LAMP1: variants seen among roughly 807,000 people sequenced by gnomAD.
LAMP1 encodes lysosome associated membrane protein 1.
In LAMP1, 7 loss-of-function variants were observed where a neutral mutation model predicts 37.5. The observed-to-expected ratio is 0.19, with a 90% CI of 0.11 to 0.35. LAMP1 has a LOEUF of 0.35. Ranked by LOEUF, LAMP1 falls within the 10% of genes least tolerant of loss-of-function variation. The pLI is 1.00. For synonymous variants in LAMP1, 236 were observed against 229.1 expected (o/e 1.03, Z -0.27); for missense variants, 537 against 552.8 (o/e 0.97, Z 0.29).
At position 113,310,768 on chromosome 13, in the gene LAMP1, T is replaced by C. The variant is rs2042626529; in HGVS notation, c.463T>C (p.Cys155Arg). 1 of 1,613,404 alleles carries C rather than the reference T, an allele frequency of 6.2e-7. No homozygotes were observed. The highest frequency in any genetic ancestry group is 8.5e-7 in the Non-Finnish European group (1 of 1,179,594). Residue 155 changes from cysteine (C) to arginine (R), a missense_variant, in exon 4 of 9, where the codon TGT becomes CGT. Cys to Arg is a radical substitution (Grantham distance 180). Coordinates refer to ENST00000332556, the MANE Select transcript of LAMP1 (RefSeq NM_005561.4). Reference protein sequence around the residue: ...IRADIDKKYRCVSGTQVHMNN... With the variant: ...IRADIDKKYRRVSGTQVHMNN... ...GGCAGATATAGATAAAAAATACAGA[T>C]GTGTTAGTGGCACCCAGGTCCACAT... is the stretch of plus-strand genomic sequence containing the variant.
intron 1 of LAMP1, among the ~76,000 whole-genome samples, chr13:113,300,057 T>C (rs1323888533): frequency 1.3e-5 from 2 of 152,234 alleles, no homozygotes; most frequent in African/African-American, 4.8e-5. Flanking sequence ...AGCTCAAACA[T>C]GAACTGAAAC....
intron 1 of LAMP1, among the ~76,000 whole-genome samples, chr13:113,298,486 G>A (rs1048799794): frequency 9.3e-5 from 14 of 150,036 alleles, no homozygotes; most frequent in African/African-American, 3.0e-4. Flanking sequence ...AATCAAGCTG[G>A]GGGAGTGTGT....
rs917340082 is a variant in LAMP1 at position 113,301,218 on chromosome 13, C to T, written c.61+3723C>T. Among the ~76,000 whole-genome samples the T allele has an allele frequency of 2.2e-4, 34 of 152,046 alleles. 1 individual carries two copies. Among genetic ancestry groups the T allele is most frequent in the African/African-American group, 2.4e-5 (1 of 41,378 alleles). On this transcript the variant is annotated intron_variant, in intron 1 of 8. Coordinates refer to ENST00000332556, the MANE Select transcript of LAMP1 (RefSeq NM_005561.4). ...TAGAAATATACATACCACAGCGAGG[C>T]ACAGTGGCTCATGCCTGTCATCTCA...
At chr13:113,304,741 C>T (rs972330833) in intron 1 of LAMP1, among the ~76,000 whole-genome samples, 18 of 152,086 alleles carry the variant, frequency 1.2e-4, no homozygotes, top group East Asian at 1.9e-4. Context: ...ACTGCAACCT[C>T]GGCCTCCCTG....
At chr13:113,301,816 A>G (rs1485375209) in intron 1 of LAMP1, among the ~76,000 whole-genome samples, 3 of 149,952 alleles carry the variant, frequency 2.0e-5, no homozygotes, top group Non-Finnish European at 4.4e-5. Context: ...TAAAAATACC[A>G]TATTTAAAAG....
chr13:113,305,575 C>T (rs1393474483), intron 1 of LAMP1: 2 of 152,140 alleles, frequency 1.3e-5, no homozygotes, highest in African/African-American at 2.4e-5. Context: ...TTAGCAGTGA[C>T]CACTGTCCAG....
At chr13:113,312,577 G>A (rs909266704) in intron 4 of LAMP1, among the ~76,000 whole-genome samples, 23 of 152,214 alleles carry the variant, frequency 1.5e-4, no homozygotes, top group African/African-American at 5.5e-4. Flanking sequence ...CTCCCATAGG[G>A]GAGGCTTGGA....
intron 8 of LAMP1, 53 bp from the exon 9 acceptor site, chr13:113,322,229 T>G: frequency 6.4e-7 from 1 of 1,553,008 alleles, no homozygotes; most frequent in Non-Finnish European, 8.7e-7. Flanking sequence ...GAGAGGCCTG[T>G]TTGCAGGCCC....
At chr13:113,300,832 A>T (rs1336908677) in intron 1 of LAMP1, among the ~76,000 whole-genome samples, 2 of 151,820 alleles carry the variant, frequency 1.3e-5, no homozygotes, top group South Asian at 2.1e-4. Flanking sequence ...AAAGAAAAAA[A>T]TTTTTTTTCT....
In LAMP1 at chr13:113,306,588, C is replaced by T. The variant is rs1344035718; in HGVS notation, c.165C>T (p.Asp55=). The T allele has an allele frequency of 1.2e-6, 2 of 1,613,916 alleles. No individual in the cohort carries two copies. Among genetic ancestry groups the T allele is most frequent in the East Asian group, 2.2e-5 (1 of 44,888 alleles). ...NFSAAFSVNY[D]TKSGPKNMTF... is the part of the protein sequence containing the mutation. The stretch of plus-strand genomic sequence containing the variant: ...CTGCTGCCTTCTCAGTGAACTACGA[C>T]ACCAAGAGTGGCCCTAAGGTAGGAA... The change falls in exon 2 of 9, where the codon GAC becomes GAT. Residue 55 remains aspartate, a synonymous_variant. Transcript: ENST00000332556.
At chr13:113,311,159 C>A (rs138252212) in intron 4 of LAMP1, among the ~76,000 whole-genome samples, 86 of 150,956 alleles carry the variant, frequency 5.7e-4, no homozygotes, top group African/African-American at 1.9e-3. Context: ...TGGGAGTCGG[C>A]GGGGGGCGGG....
At position 113,314,967 on chromosome 13, in the gene LAMP1, A is replaced by G. The variant is rs189921711; in HGVS notation, c.562+4100A>G. On this transcript the variant is annotated intron_variant, in intron 4 of 8. Coordinates refer to ENST00000332556, the MANE Select transcript of LAMP1 (RefSeq NM_005561.4). ...TGGAGGGAACCAGTGTGGAGATGCCAGTGTGCCTGGGGCGTGGCCTCCTGA... is the reference window on the plus strand; with the variant it reads ...TGGAGGGAACCAGTGTGGAGATGCCGGTGTGCCTGGGGCGTGGCCTCCTGA... 4.9e-3 allele frequency among the ~76,000 whole-genome samples: 346 copies of G among 71,060 alleles called. 2 individuals are homozygous for G. The highest frequency in any genetic ancestry group is 0.013 in the African/African-American group (218 of 16,198). 46.6% of individuals were successfully genotyped at this position (71,060 alleles called of 152,430 possible).
chr13:113,312,135 G>A (rs372336644), intron 4 of LAMP1, among the ~76,000 whole-genome samples: 1 of 152,138 alleles, frequency 6.6e-6, no homozygotes. Context: ...CAGGAGGATC[G>A]TCCGTCTCAC....
At chr13:113,307,440 G>C (rs2042605800) in intron 2 of LAMP1, among the ~76,000 whole-genome samples, 1 of 152,122 alleles carries the variant, frequency 6.6e-6, no homozygotes, top group African/African-American at 2.4e-5. Flanking sequence ...TTACAGGGGT[G>C]AGCCACCCCT....
At chr13:113,322,200 T>G in intron 8 of LAMP1, 82 bp from the exon 9 acceptor site, 58 of 1,413,958 alleles carry the variant, frequency 4.1e-5, no homozygotes, top group Middle Eastern at 5.3e-4. Flanking sequence ...TTTTGGCTGA[T>G]GTGGGGGAGT....
chr13:113,302,115 G>A (rs1175916885), intron 1 of LAMP1, among the ~76,000 whole-genome samples: 9 of 151,574 alleles, frequency 5.9e-5, no homozygotes, highest in Non-Finnish European at 1.0e-4. Flanking sequence ...TGCCCACCTC[G>A]GCCTCCCAAA....
At position 113,319,550 on chromosome 13, in the gene LAMP1, A is replaced by G. The variant is rs748803182; in HGVS notation, c.644A>G (p.Lys215Arg). 1.1e-4 allele frequency: 172 copies of G among 1,613,894 alleles called. 2 individuals are homozygous for G. In the South Asian group the frequency reaches 1.7e-3, roughly 16 times the overall value. ...AGCCCCTCGCCCTCACCCGTGCCCAAGAGCCCCTCTGTGGACAAGTACAAC... is the reference window on the plus strand; with the variant it reads ...AGCCCCTCGCCCTCACCCGTGCCCAGGAGCCCCTCTGTGGACAAGTACAAC... The part of the protein sequence containing the change: ...PPSPSPSPVP[K>R]SPSVDKYNVS... The change falls in exon 5 of 9, where the codon AAG (lysine) becomes AGG (arginine). Residue 215 changes from lysine (K) to arginine (R), a missense_variant. Lys to Arg is a conservative substitution (Grantham distance 26). Transcript: ENST00000332556.
At chr13:113,306,834 C>CTTTTTTCTTTTTTT (rs2042601631) in intron 2 of LAMP1, among the ~76,000 whole-genome samples, 2 of 80,142 alleles carry the variant, frequency 2.5e-5, no homozygotes, top group Non-Finnish European at 4.3e-5. Flanking sequence ...GAACATTTTC[C>CTTTTTTCTTTTTTT]TTTTTTTTTT....
intron 3 of LAMP1, 113 bp from the exon 4 acceptor site, chr13:113,310,596 A>T (rs1459518469): frequency 4.4e-6 from 4 of 904,710 alleles, no homozygotes; most frequent in South Asian, 2.0e-5. Context: ...TTTTTTTTTT[A>T]ATCTAGAAAT....
Sources: allele counts gnomAD v4.1 joint callset (sites outside exome capture counted in the v4.1 genomes callset), GRCh38; gene constraint gnomAD v4.1.1; transcripts MANE v1.5; gene names NCBI Gene and HGNC (gene_info 2026-07-23, HGNC 2026-07-21).